The following MAP4K5 variants were observed in gnomAD, a reference collection of about 807,000 sequenced individuals.
MAP4K5 encodes mitogen-activated protein kinase kinase kinase kinase 5.
A neutral mutation model predicts 135.6 loss-of-function variants in MAP4K5; 82 were observed. That is an observed-to-expected ratio of 0.60 (90% CI 0.51 to 0.73). The LOEUF is 0.73. Among genes scored for constraint, MAP4K5 ranks in the 30% least tolerant of loss-of-function variants. The pLI, the probability that MAP4K5 is intolerant of heterozygous loss-of-function variation, is 0.00. For synonymous variants in MAP4K5, 347 were observed against 335.0 expected (o/e 1.04, Z -0.39); for missense variants, 907 against 1,010.9 (o/e 0.90, Z 1.39).
At chr14:50,429,655 C>G (rs2035927389) in intron 28 of MAP4K5, among the ~76,000 whole-genome samples, 1 of 152,112 alleles carries the variant, frequency 6.6e-6, no homozygotes, top group African/African-American at 2.4e-5. Flanking sequence ...GGGTGAATCA[C>G]AGCAAACCTA....
At chr14:50,451,822 A>G (rs1054055789) in intron 14 of MAP4K5, among the ~76,000 whole-genome samples, 1 of 152,186 alleles carries the variant, frequency 6.6e-6, no homozygotes, top group African/African-American at 2.4e-5. Context: ...TACTTGGGAA[A>G]TCTGTGATTA....
At chr14:50,505,888 T>C (rs988299712) in intron 2 of MAP4K5, among the ~76,000 whole-genome samples, 2 of 151,830 alleles carry the variant, frequency 1.3e-5, no homozygotes, top group African/African-American at 4.8e-5. Context: ...TTGTTTTAAA[T>C]GGATTCTAAG....
At chr14:50,428,563 T>C in intron 30 of MAP4K5, 99 bp downstream of exon 30, 1 of 663,006 alleles carries the variant, frequency 1.5e-6, no homozygotes, top group African/African-American at 1.9e-5. Context: ...TTACAGAAAT[T>C]TCTGTGAGAC....
At chr14:50,451,724 T>A (rs1355244768) in intron 14 of MAP4K5, among the ~76,000 whole-genome samples, 1 of 152,128 alleles carries the variant, frequency 6.6e-6, no homozygotes, top group African/African-American at 2.4e-5. Flanking sequence ...AATTATAGTC[T>A]ATTTTTAGGA....
In MAP4K5 at chr14:50,504,809, A is replaced by G. The variant is rs1425069524; in HGVS notation, c.157T>C (p.Leu53=). 3 of 1,556,570 alleles carry G rather than the reference A, an allele frequency of 1.9e-6. No individual in the cohort carries two copies. The highest frequency in any genetic ancestry group is 1.4e-5 in the African/African-American group (1 of 73,172). ...GELAAVKIIK[L]EPGDDFSLIQ... ...GGGTTTTAACACATACCAGGCTCCA[A>G]TTTAATGATTTTTACTGCAGCCAGC... The change falls in exon 3 of 33, where the codon TTG becomes CTG. Residue 53 remains leucine (L), a synonymous_variant. Transcript: ENST00000682126.
chr14:50,557,770 C>A (rs573272596), intron 1 of MAP4K5, among the ~76,000 whole-genome samples: 1 of 152,254 alleles, frequency 6.6e-6, no homozygotes, highest in African/African-American at 2.4e-5. Context: ...TGATCTTCAC[C>A]CAGCAATGAG....
At chr14:50,542,601 A>G (rs1025863857) in intron 1 of MAP4K5, 3 of 152,222 alleles carry the variant, frequency 2.0e-5, no homozygotes, top group African/African-American at 7.2e-5. Context: ...GACACAAGTA[A>G]ATCATATGGA....
intron 29 of MAP4K5, 49 bp from the exon 30 acceptor site, chr14:50,428,803 T>C: frequency 2.4e-6 from 2 of 839,254 alleles, no homozygotes; most frequent in South Asian, 1.7e-5. Flanking sequence ...TCTGCTAAAA[T>C]AAATGTAACT....
At chr14:50,439,726 T>G (rs1212538292) in intron 23 of MAP4K5, among the ~76,000 whole-genome samples, 1 of 152,076 alleles carries the variant, frequency 6.6e-6, no homozygotes, top group Non-Finnish European at 1.5e-5. Flanking sequence ...GTGACAGTGA[T>G]AGTGGAGGAG....
upstream of MAP4K5, chr14:50,532,671 C>T (rs907971732): frequency 2.0e-5 from 3 of 152,512 alleles, no homozygotes; most frequent in South Asian, 4.0e-4. Context: ...GCGGCCCGCC[C>T]GAGCACTCCG....
At chr14:50,430,281 C>G (rs1399401990) in intron 28 of MAP4K5, among the ~76,000 whole-genome samples, 3 of 152,134 alleles carry the variant, frequency 2.0e-5, no homozygotes, top group Non-Finnish European at 2.9e-5. Context: ...TAAACATGCC[C>G]AACTACATTC....
chr14:50,527,159 T>TGAAACCCCGTCTCTACTA (rs2038284609), intron 2 of MAP4K5, among the ~76,000 whole-genome samples: 2 of 152,062 alleles, frequency 1.3e-5, no homozygotes, highest in African/African-American at 4.8e-5. Flanking sequence ...GTCAACCTGG[T>TGAAACCCCGTCTCTACTA]GAAACCCCGT....
chr14:50,490,796 C>G (rs189852327), intron 3 of MAP4K5, among the ~76,000 whole-genome samples: 98 of 152,340 alleles, frequency 6.4e-4, no homozygotes, highest in Non-Finnish European at 1.0e-3. Flanking sequence ...TTAGCTACCA[C>G]TTGCTTCTGC....
Position 50,418,984 on chromosome 14 carries a change from C to T in MAP4K5, c.*1035G>A, listed in dbSNP as rs2035664074. ...TTCAATTCATTTAAATATTTTTTTT[C>T]TTCTTCAACCTACTCAAAATGAATA... On this transcript the variant is annotated 3_prime_UTR_variant, in exon 33 of 33. Transcript: ENST00000682126. 6.6e-6 allele frequency: 1 copy of T among 151,646 alleles called. No homozygotes were observed. Among genetic ancestry groups the T allele is most frequent in the South Asian group, 2.1e-4 (1 of 4,824 alleles). 9.4% of individuals were successfully genotyped at this position (151,646 alleles called of 1,614,324 possible). A position where few individuals can be genotyped will look rare whatever the true frequency, so the allele number is the denominator to read the frequency against.
chr14:50,456,385 T>C (rs2036594752), intron 14 of MAP4K5, 131 bp downstream of exon 14: 2 of 665,690 alleles, frequency 3.0e-6, no homozygotes, highest in Admixed American at 2.9e-5. Context: ...AAGCAACCCC[T>C]ATTTTAAAAG....
Position 50,434,377 on chromosome 14 carries a change from A to G in MAP4K5, c.2164+17T>C. ...GCAAAAATATCAATATTCTAACATA[A>G]GGTAAAAAATACTTACCTGCACCAA... On this transcript the variant is annotated intron_variant, in intron 28 of 32. Coordinates refer to ENST00000682126, the MANE Select transcript of MAP4K5 (RefSeq NM_006575.6). 2 of 1,572,474 alleles carry G rather than the reference A, an allele frequency of 1.3e-6. No homozygotes were observed. Among genetic ancestry groups the G allele is most frequent in the Non-Finnish European group, 1.7e-6 (2 of 1,156,728 alleles).
At chr14:50,421,673 C>T (rs1041060372) in intron 32 of MAP4K5, among the ~76,000 whole-genome samples, 1 of 151,686 alleles carries the variant, frequency 6.6e-6, no homozygotes, top group East Asian at 1.9e-4. Flanking sequence ...AGGCAACAGT[C>T]TGAAGGAAGT....
rs553783847 is a variant in MAP4K5, at chr14:50,547,000, C to A, written c.-179-4416G>T. Among the ~76,000 whole-genome samples, 5 of 152,226 alleles carry A rather than the reference C, an allele frequency of 3.3e-5. No individual in the cohort carries two copies. In the East Asian group the frequency reaches 7.7e-4, roughly 24 times the overall value. ...TATCCCTCCCCTAGCCCCCCACCCC[C>A]CAACAGGCCCTGGTGTTTCTCACTC... On this transcript the variant is annotated intron_variant, in intron 1 of 8. Coordinates refer to the MAP4K5 transcript ENST00000555216.
At chr14:50,466,892 A>G (rs914341955) in intron 10 of MAP4K5, among the ~76,000 whole-genome samples, 2 of 152,202 alleles carry the variant, frequency 1.3e-5, no homozygotes, top group South Asian at 2.1e-4. Context: ...AAATATTGGA[A>G]AAGAGTTTTC....
Sources: allele counts gnomAD v4.1 joint callset (sites outside exome capture counted in the v4.1 genomes callset), GRCh38; gene constraint gnomAD v4.1.1; transcripts MANE v1.5; gene names NCBI Gene and HGNC (gene_info 2026-07-23, HGNC 2026-07-21).